CGRRF1: variants seen among roughly 807,000 people sequenced by gnomAD.
CGRRF1 encodes the protein cell growth regulator with RING finger domain protein 1.
Under a neutral mutation model 37.2 loss-of-function variants are expected in CGRRF1, and 32 were observed. The observed-to-expected ratio is 0.86, with a 90% CI of 0.65 to 1.16. The LOEUF (loss-of-function observed/expected upper bound fraction) is 1.16. Ranked by LOEUF, CGRRF1 falls within the 50% of genes most tolerant of loss-of-function variation. CGRRF1 has a pLI of 0.00. For synonymous variants in CGRRF1, 141 were observed against 140.3 expected, an observed-to-expected ratio of 1.00 and a Z score of -0.04; for missense variants, 391 against 382.6, an observed-to-expected ratio of 1.02 and a Z score of -0.18.
intron 4 of CGRRF1, chr14:54,537,114 A>G (rs1377553252): frequency 6.6e-6 from 1 of 152,022 alleles, no homozygotes; most frequent in Non-Finnish European, 1.5e-5. Context: ...CCTTTATTAT[A>G]TTTTTGTACA....
intron 1 of CGRRF1, among the ~76,000 whole-genome samples, chr14:54,516,158 C>T (rs148046349): frequency 0.013 from 1,998 of 152,196 alleles, 16 homozygotes; most frequent in South Asian, 0.025. Context: ...TAATGTATCT[C>T]TAACTTATCA....
intron 2 of CGRRF1, among the ~76,000 whole-genome samples, chr14:54,526,039 G>T (rs532337389): frequency 7.2e-5 from 11 of 152,026 alleles, no homozygotes; most frequent in Admixed American, 5.9e-4. Context: ...TGAGGCTGCA[G>T]TGAGCTGAGA....
At chr14:54,536,470 T>A (rs924787535) in intron 4 of CGRRF1, 1 of 152,254 alleles carries the variant, frequency 6.6e-6, no homozygotes, top group Admixed American at 6.5e-5. Context: ...TTTTGTTAGA[T>A]ATTGCCATTG....
intron 1 of CGRRF1, among the ~76,000 whole-genome samples, chr14:54,512,174 T>C (rs193127397): frequency 2.6e-5 from 4 of 152,326 alleles, no homozygotes; most frequent in Non-Finnish European, 4.4e-5. Flanking sequence ...ATCTCTACTG[T>C]TCATGTGTTT....
At position 54,538,071 on chromosome 14, in the gene CGRRF1, C is replaced by T. The variant is rs1209412437; in HGVS notation, c.687C>T (p.Phe229=). The change falls in exon 6 of 6, where the codon TTC becomes TTT. Residue 229 remains phenylalanine, a synonymous_variant. Coordinates refer to ENST00000216420, the MANE Select transcript of CGRRF1 (RefSeq NM_006568.3). ...QGQFHDLKQL[F]MSANNNFTPS... ...ATTTCTTTGATTTTCAGCAACTTTT[C>T]ATGTCTGCAAATAATAATTTCACTC... The T allele has an allele frequency of 1.3e-6, 2 of 1,596,406 alleles. No homozygotes were observed. The highest frequency in any genetic ancestry group is 1.1e-5 in the South Asian group (1 of 87,004).
Position 54,530,097 on chromosome 14 carries a change from G to A in CGRRF1, c.293G>A (p.Cys98Tyr). The change falls in exon 3 of 6, where the codon TGC (cysteine) becomes TAC (tyrosine). Residue 98 changes from cysteine (C) to tyrosine (Y), a missense_variant. By Grantham distance (194) the Cys-to-Tyr change is radical. Coordinates refer to ENST00000216420, the MANE Select transcript of CGRRF1 (RefSeq NM_006568.3). ...TGCCTTGAAGATAGCCTCCTTACAT[G>A]CTACTGGGGGTGCAGTGTTCAAAAA... is the stretch of plus-strand genomic sequence containing the variant. ...TDCLEDSLLT[C>Y]YWGCSVQKLY... is the part of the protein sequence containing the mutation. 1.2e-6 allele frequency: 2 copies of A among 1,613,308 alleles called. No individual in the cohort carries two copies. The highest frequency in any genetic ancestry group is 1.7e-6 in the Non-Finnish European group (2 of 1,179,404).
intron 4 of CGRRF1, among the ~76,000 whole-genome samples, chr14:54,535,478 C>CT (rs1307562740): frequency 6.6e-6 from 1 of 152,044 alleles, no homozygotes; most frequent in African/African-American, 2.4e-5. Flanking sequence ...AGCCAGTGAG[C>CT]TGCCCGGGTG....
intron 1 of CGRRF1, among the ~76,000 whole-genome samples, chr14:54,515,090 G>GT (rs935043483): frequency 0.024 from 3,002 of 124,106 alleles, 52 homozygotes; most frequent in African/African-American, 0.039. Context: ...TGAGTTTTTT[G>GT]TTTTTTTTTT....
intron 4 of CGRRF1, 189 bp from the exon 5 acceptor site, chr14:54,537,533 T>C: frequency 2.0e-6 from 1 of 492,174 alleles, no homozygotes; most frequent in Non-Finnish European, 3.2e-6. Flanking sequence ...AACTGATTCC[T>C]CTGCAGTGAT....
chr14:54,521,809 T>C (rs778204374), intron 1 of CGRRF1, among the ~76,000 whole-genome samples: 4 of 152,184 alleles, frequency 2.6e-5, no homozygotes, highest in Non-Finnish European at 5.9e-5. Context: ...ACCCGGCCAA[T>C]AGTCTGCCTC....
chr14:54,516,510 C>A (rs1329672986), intron 1 of CGRRF1, among the ~76,000 whole-genome samples: 1 of 152,088 alleles, frequency 6.6e-6, no homozygotes, highest in Non-Finnish European at 1.5e-5. Flanking sequence ...ACATTCTTAT[C>A]TTTGTTCCTC....
At chr14:54,519,722 A>G (rs1388888218) in intron 1 of CGRRF1, among the ~76,000 whole-genome samples, 1 of 152,244 alleles carries the variant, frequency 6.6e-6, no homozygotes, top group Non-Finnish European at 1.5e-5. Context: ...ACTGAGAACC[A>G]TGAAACCATG....
chr14:54,512,000 G>T (rs976615086), intron 1 of CGRRF1, among the ~76,000 whole-genome samples: 1 of 152,210 alleles, frequency 6.6e-6, no homozygotes, highest in African/African-American at 2.4e-5. Flanking sequence ...CCAAGGCCAT[G>T]TATTTATTGA....
At chr14:54,526,769 A>C (rs2032418434) in intron 2 of CGRRF1, among the ~76,000 whole-genome samples, 1 of 152,182 alleles carries the variant, frequency 6.6e-6, no homozygotes, top group South Asian at 2.1e-4. Flanking sequence ...AAAAAAACAC[A>C]ATGTACATGG....
At chr14:54,523,920 A>G (rs1218880591) in intron 2 of CGRRF1, among the ~76,000 whole-genome samples, 1 of 152,200 alleles carries the variant, frequency 6.6e-6, no homozygotes, top group African/African-American at 2.4e-5. Flanking sequence ...TCTTGAAAAC[A>G]AATAAGCCAG....
chr14:54,510,272 G>C, intron 1 of CGRRF1: 1 of 574,836 alleles, frequency 1.7e-6, no homozygotes. Context: ...CGTTTGGTCC[G>C]TGTCGCTGGG....
At chr14:54,517,952 C>T (rs1403187857) in intron 1 of CGRRF1, among the ~76,000 whole-genome samples, 1 of 152,166 alleles carries the variant, frequency 6.6e-6, no homozygotes, top group Non-Finnish European at 1.5e-5. Flanking sequence ...AAGGACATGA[C>T]CTTGTTCCTT....
chr14:54,521,380 T>G (rs953130086), intron 1 of CGRRF1, among the ~76,000 whole-genome samples: 3 of 151,112 alleles, frequency 2.0e-5, no homozygotes, highest in Admixed American at 2.0e-4. Flanking sequence ...AGAATTGCTT[T>G]AACCCGGGAG....
At chr14:54,529,738 GTTTTAAAA>G (rs1216773900) in intron 2 of CGRRF1, among the ~76,000 whole-genome samples, 31 of 152,090 alleles carry the variant, frequency 2.0e-4, no homozygotes, top group African/African-American at 6.8e-4. Context: ...CTGTATTTTA[GTTTTAAAA>G]ATCTAGATGG....
Sources: gnomAD v4.1 joint callset for allele counts (sites outside exome capture counted in the v4.1 genomes callset) on GRCh38, gnomAD v4.1.1 for gene constraint, MANE v1.5 for transcripts, NCBI Gene and HGNC (gene_info 2026-07-23, HGNC 2026-07-21) for gene names.